CCNP: variants seen among roughly 807,000 people sequenced by gnomAD.
The protein encoded by CCNP is cyclin-P.
In CCNP, 18 loss-of-function variants were observed where a neutral mutation model predicts 19.6. The observed-to-expected ratio is 0.92, with a 90% CI of 0.64 to 1.36. CCNP has a LOEUF of 1.36. CCNP is among the 40% of genes most tolerant of loss of function. CCNP has a pLI of 0.00. For synonymous variants in CCNP, 228 were observed against 194.9 expected, an observed-to-expected ratio of 1.17 and a Z score of -1.41; for missense variants, 440 against 424.4, an observed-to-expected ratio of 1.04 and a Z score of -0.32.
In CCNP at chr19:40,222,763, T is replaced by C. The variant is rs544152841; in HGVS notation, c.*289A>G. 28 of 432,796 alleles carry C rather than the reference T, an allele frequency of 6.5e-5. No individual in the cohort carries two copies. Among genetic ancestry groups the C allele is most frequent in the Non-Finnish European group, 1.1e-4 (28 of 247,116 alleles). 26.8% of individuals were successfully genotyped at this position (432,796 alleles called of 1,614,324 possible). A position where few individuals can be genotyped will look rare whatever the true frequency, so the allele number is the denominator to read the frequency against. On this transcript the variant is annotated 3_prime_UTR_variant, in exon 5 of 5. Coordinates refer to ENST00000430325, the MANE Select transcript of CCNP (RefSeq NM_024877.4). ...GGGCAGCCATCCTCTCTATGCTGGGTGCACAGGCTGAGGGAAACCATGGTT... is the reference window on the plus strand; with the variant it reads ...GGGCAGCCATCCTCTCTATGCTGGGCGCACAGGCTGAGGGAAACCATGGTT...
chr19:40,222,612 C>T lies in CCNP; in HGVS notation c.*440G>A, dbSNP rs549410384. 176 of 397,486 alleles carry T rather than the reference C, an allele frequency of 4.4e-4. No individual in the cohort carries two copies. The highest frequency in any genetic ancestry group is 6.6e-4 in the Non-Finnish European group (150 of 225,876). 24.6% of individuals were successfully genotyped at this position (397,486 alleles called of 1,614,324 possible). On this transcript the variant is annotated 3_prime_UTR_variant, in exon 5 of 5. Transcript: ENST00000430325. The stretch of plus-strand genomic sequence containing the variant: ...TCGGGGGCTCTCTTGAGATCGGGCA[C>T]GCGTCCCGTCTTCAACTGGAGTGAC...
chr19:40,222,913 A>G lies in CCNP; in HGVS notation c.*139T>C. On this transcript the variant is annotated 3_prime_UTR_variant, in exon 5 of 5. Transcript: ENST00000430325. ...CCTTCGTTCTCAGCCCTGGAAGGCAATAGGAGCATCTTCTGGGCCTGGGAG... is the reference window on the plus strand; with the variant it reads ...CCTTCGTTCTCAGCCCTGGAAGGCAGTAGGAGCATCTTCTGGGCCTGGGAG... 1.7e-6 allele frequency: 1 copy of G among 588,062 alleles called. No homozygotes were observed. The allele number at this position is 588,062 out of a possible 1,614,324, so 36.4% of individuals were successfully genotyped here.
At chr19:40,224,016 G>A (rs1474789903) in intron 3 of CCNP, among the ~76,000 whole-genome samples, 2 of 151,870 alleles carry the variant, frequency 1.3e-5, no homozygotes, top group East Asian at 1.9e-4. Flanking sequence ...GTGCAGTAGC[G>A]CGATCTCACC....
At position 40,224,800 on chromosome 19, in the gene CCNP, C is replaced by T; in HGVS notation, c.279G>A (p.Val93=). 6.4e-7 allele frequency: 1 copy of T among 1,552,468 alleles called. No homozygotes were observed. The highest frequency in any genetic ancestry group is 8.7e-7 in the Non-Finnish European group (1 of 1,147,404). ...DIFAEVMVCR[V]LPLRALPRAV... Reference sequence around the variant, plus strand: ...CGCGGGGCAGGGCTCTCAGGGGCAGCACGCGGCACACCTGGGGTTGGGGCA... The same window carrying T: ...CGCGGGGCAGGGCTCTCAGGGGCAGTACGCGGCACACCTGGGGTTGGGGCA... The change falls in exon 2 of 5, where the codon GTG becomes GTA. Residue 93 remains valine, a synonymous_variant. Transcript: ENST00000430325.
intron 3 of CCNP, 114 bp from the exon 4 acceptor site, chr19:40,223,660 G>A (rs991912949): frequency 2.8e-6 from 4 of 1,453,896 alleles, no homozygotes; most frequent in Non-Finnish European, 2.9e-6. Context: ...GTAAAATGGG[G>A]CCATTGACTT....
At chr19:40,226,143 C>T (rs1425370925) in intron 1 of CCNP, among the ~76,000 whole-genome samples, 1 of 152,248 alleles carries the variant, frequency 6.6e-6, no homozygotes, top group Admixed American at 6.5e-5. Flanking sequence ...GGACCATAAA[C>T]ACCCCAGGAG....
rs1332303563 is a variant in CCNP at position 40,224,972 on chromosome 19, T to C, written c.268-161A>G. 9.5e-6 allele frequency: 6 copies of C among 630,554 alleles called. No homozygotes were observed. In the East Asian group the frequency reaches 1.7e-4, roughly 17 times the overall value. The allele number at this position is 630,554 out of a possible 1,614,324, so 39.1% of individuals were successfully genotyped here. A position where few individuals can be genotyped will look rare whatever the true frequency, so the allele number is the denominator to read the frequency against. On this transcript the variant is annotated intron_variant, in intron 1 of 4. Coordinates refer to ENST00000430325, the MANE Select transcript of CCNP (RefSeq NM_024877.4). Reference sequence around the variant, plus strand: ...TGAGCTCCTCTTACGTGTCCTCACCTAGAACTCTGGGCTTCGTTCCAGATG... The same window carrying C: ...TGAGCTCCTCTTACGTGTCCTCACCCAGAACTCTGGGCTTCGTTCCAGATG...
intron 1 of CCNP, 44 bp downstream of exon 1, chr19:40,226,331 G>T: frequency 6.4e-7 from 1 of 1,564,100 alleles, no homozygotes; most frequent in Non-Finnish European, 8.7e-7. Context: ...GCCGGGCGGT[G>T]GGCCGGCGTC....
At position 40,223,566 on chromosome 19, in the gene CCNP, G is replaced by A. The variant is rs1973490035; in HGVS notation, c.514-20C>T. The A allele has an allele frequency of 3.8e-6, 6 of 1,598,620 alleles. No homozygotes were observed. Among genetic ancestry groups the A allele is most frequent in the Non-Finnish European group, 5.1e-6 (6 of 1,169,692 alleles). On this transcript the variant is annotated intron_variant, in intron 3 of 4. Coordinates refer to ENST00000430325, the MANE Select transcript of CCNP (RefSeq NM_024877.4). ...GGCGGGCTGCAGATGGGGGATGCGG[G>A]GGGAGGTGAAGGAGTCTTGGATCCG...
rs1463774984 is a variant in CCNP, at chr19:40,223,151, C to T, written c.825G>A (p.Arg275=). ...ATACACTTCCTCCGCCAAGACTACACCTGTAAAGTTCTGGCTGGAGCCTGG... is the reference window on the plus strand; with the variant it reads ...ATACACTTCCTCCGCCAAGACTACATCTGTAAAGTTCTGGCTGGAGCCTGG... ...AGSRLQPELY[R]CSLGGGSVWG... Residue 275 remains arginine, a synonymous_variant, in exon 5 of 5, where the codon AGG becomes AGA. Coordinates refer to ENST00000430325, the MANE Select transcript of CCNP (RefSeq NM_024877.4). 1 of 1,551,644 alleles carries T rather than the reference C, an allele frequency of 6.4e-7. No homozygotes were observed. The highest frequency in any genetic ancestry group is 1.4e-5 in the African/African-American group (1 of 73,160).
In CCNP at chr19:40,223,247, C is replaced by T; in HGVS notation, c.729G>A (p.Ala243=). 1.9e-6 allele frequency: 3 copies of T among 1,545,330 alleles called. No homozygotes were observed. Among genetic ancestry groups the T allele is most frequent in the Middle Eastern group, 1.7e-4 (1 of 5,974 alleles). ...LELSLLEAEA[A]GWEPGRRAAA... ...CCGCACGACGACCCGGCTCCCATCC[C>T]GCCGCCTCGGCCTCCAGCAAAGACA... is the stretch of plus-strand genomic sequence containing the variant. The change falls in exon 5 of 5, where the codon GCG becomes GCA. Residue 243 remains alanine, a synonymous_variant. Coordinates refer to ENST00000430325, the MANE Select transcript of CCNP (RefSeq NM_024877.4).
intron 3 of CCNP, 97 bp downstream of exon 3, chr19:40,224,391 T>G (rs911387594): frequency 1.4e-6 from 2 of 1,381,066 alleles, no homozygotes; most frequent in Admixed American, 3.6e-5. Context: ...ATGTTGGGAA[T>G]CCCAGACTCA....
At chr19:40,226,309 T>G in intron 1 of CCNP, 66 bp downstream of exon 1, 1 of 1,415,534 alleles carries the variant, frequency 7.1e-7, no homozygotes, top group Middle Eastern at 1.8e-4. Flanking sequence ...TTCAGAGTGG[T>G]GTTGAGTGGG....
rs563012956 is a variant in CCNP, at chr19:40,224,676, G to A, written c.358-33C>T. The A allele has an allele frequency of 5.0e-6, 8 of 1,613,274 alleles. No homozygotes were observed. In the East Asian group the frequency reaches 8.9e-5, roughly 18 times the overall value. On this transcript the variant is annotated intron_variant, in intron 2 of 4. Coordinates refer to ENST00000430325, the MANE Select transcript of CCNP (RefSeq NM_024877.4). The stretch of plus-strand genomic sequence containing the variant: ...GGGGCAAGGGTGACCACGGGGTCCT[G>A]GGCGGCGACGCAAACTCAGCCCCCC...
chr19:40,223,780 G>C (rs1410615170), intron 3 of CCNP: 1 of 568,804 alleles, frequency 1.8e-6, no homozygotes, highest in African/African-American at 1.9e-5. Context: ...ATTCACTTAA[G>C]CTCTCTGCCT....
At position 40,223,472 on chromosome 19, in the gene CCNP, C is replaced by T; in HGVS notation, c.588G>A (p.Leu196=). The change falls in exon 4 of 5, where the codon CTG becomes CTA. Residue 196 remains leucine, a synonymous_variant. Transcript: ENST00000430325. ...GGTGCAGCCGGAAATCCAGGCGGCT[C>T]AGGATGCGACGCTCGGCGCGCAGCA... ...AELLRAERRI[L]SRLDFRLHHP... is the part of the protein sequence containing the mutation. 6.2e-7 allele frequency: 1 copy of T among 1,611,082 alleles called. No individual in the cohort carries two copies. The highest frequency in any genetic ancestry group is 8.5e-7 in the Non-Finnish European group (1 of 1,178,312).
Position 40,223,152 on chromosome 19 carries a change from C to A in CCNP, c.824G>T (p.Arg275Met). The change falls in exon 5 of 5, where the codon AGG becomes ATG. Residue 275 changes from arginine (R) to methionine (M), a missense_variant. Arg to Met is a moderately conservative substitution (Grantham distance 91). Transcript: ENST00000430325. The part of the protein sequence containing the change: ...AGSRLQPELY[R>M]CSLGGGSVWG... ...TACACTTCCTCCGCCAAGACTACAC[C>A]TGTAAAGTTCTGGCTGGAGCCTGGA... 1.3e-6 allele frequency: 2 copies of A among 1,551,628 alleles called. No homozygotes were observed. Among genetic ancestry groups the A allele is most frequent in the Non-Finnish European group, 1.7e-6 (2 of 1,146,972 alleles).
At chr19:40,223,855 G>C (rs1224503796) in intron 3 of CCNP, among the ~76,000 whole-genome samples, 1 of 151,962 alleles carries the variant, frequency 6.6e-6, no homozygotes, top group African/African-American at 2.4e-5. Context: ...TTCTGATAAG[G>C]CACTGAATTC....
At position 40,222,610 on chromosome 19, in the gene CCNP, C is replaced by T. The variant is rs990455118; in HGVS notation, c.*442G>A. On this transcript the variant is annotated 3_prime_UTR_variant, in exon 5 of 5. Transcript: ENST00000430325. ...GGTCGGGGGCTCTCTTGAGATCGGG[C>T]ACGCGTCCCGTCTTCAACTGGAGTG... The T allele has an allele frequency of 2.5e-6, 1 of 397,442 alleles. No homozygotes were observed. The highest frequency in any genetic ancestry group is 2.1e-5 in the African/African-American group (1 of 48,578). 24.6% of individuals were successfully genotyped at this position (397,442 alleles called of 1,614,324 possible).
Sources: gnomAD v4.1 joint callset for allele counts (sites outside exome capture counted in the v4.1 genomes callset) on GRCh38, gnomAD v4.1.1 for gene constraint, MANE v1.5 for transcripts, NCBI Gene and HGNC (gene_info 2026-07-23, HGNC 2026-07-21) for gene names.